Variants in RBFOX3 observed in about 807,000 individuals in gnomAD.
The protein encoded by RBFOX3 is RNA binding fox-1 homolog 3, also known as RNA binding protein fox-1 homolog 3.
In RBFOX3, 17 loss-of-function variants were observed where a neutral mutation model predicts 48.7. The ratio of observed to expected loss-of-function variants is 0.35; its 90% confidence interval spans 0.24 to 0.52. RBFOX3 has a LOEUF of 0.52. RBFOX3 is among the 20% of genes least tolerant of loss of function. The pLI is 0.94. For missense variants in RBFOX3, 382 were observed against 497.5 expected, an observed-to-expected ratio of 0.77 and a Z score of 2.21; for synonymous variants, 212 against 209.5, an observed-to-expected ratio of 1.01 and a Z score of -0.10.
chr17:79,439,592 G>T (rs1170682494), intron 2 of RBFOX3, among the ~76,000 whole-genome samples: 1 of 152,198 alleles, frequency 6.6e-6, no homozygotes, highest in African/African-American at 2.4e-5. Flanking sequence ...GTGCATACAG[G>T]CTCACAAGAT....
At chr17:79,571,707 G>A (rs944109284) in intron 1 of RBFOX3, among the ~76,000 whole-genome samples, 4 of 152,094 alleles carry the variant, frequency 2.6e-5, no homozygotes, top group Non-Finnish European at 4.4e-5. Context: ...CAAGGGTGGT[G>A]GGTCAGGACG....
At chr17:79,623,325 C>A in the RBFOX3 span, among the ~76,000 whole-genome samples, 4 of 152,216 alleles carry the variant, frequency 2.6e-5, no homozygotes, top group Non-Finnish European at 4.4e-5. Flanking sequence ...GTTTGAGATA[C>A]CCCACAGGAG....
At chr17:79,288,483 C>A (rs1228379640) in intron 3 of RBFOX3, among the ~76,000 whole-genome samples, 3 of 152,210 alleles carry the variant, frequency 2.0e-5, no homozygotes, top group Non-Finnish European at 2.9e-5. Flanking sequence ...TGCAGCCCCC[C>A]CCAGCCCGGC....
chr17:79,092,704 AAAAG>A lies in RBFOX3; in HGVS notation c.1077+1743_1077+1746del, dbSNP rs941490830. The A allele has an allele frequency of 3.6e-6, 3 of 836,620 alleles. No homozygotes were observed. In the Admixed American group the frequency reaches 2.2e-4, roughly 60 times the overall value. The allele number at this position is 836,620 out of a possible 1,614,324, so 51.8% of individuals were successfully genotyped here. ...GTCTTTTGGAAGAGGGGAAAAAGCA[AAAAG>A]AAAAAAAAAAAGGAAAAACAAAAAG... is the stretch of plus-strand genomic sequence containing the variant. On this transcript the variant is annotated intron_variant, in intron 14 of 14. Coordinates refer to ENST00000693108, the MANE Select transcript of RBFOX3 (RefSeq NM_001350451.2).
intron 1 of RBFOX3, among the ~76,000 whole-genome samples, chr17:79,532,199 A>AGGGG (rs1281588730): frequency 1.4e-5 from 2 of 141,682 alleles, no homozygotes; most frequent in Non-Finnish European, 3.0e-5. Flanking sequence ...ACTGCACTGG[A>AGGGG]GGGGGGAGGG....
intron 2 of RBFOX3, among the ~76,000 whole-genome samples, chr17:79,371,711 T>A (rs1568128970): frequency 6.6e-6 from 1 of 152,024 alleles, no homozygotes; most frequent in East Asian, 1.9e-4. Context: ...TTCTCGAAAA[T>A]GTGGAAACCA....
intron 1 of RBFOX3, among the ~76,000 whole-genome samples, chr17:79,486,193 G>C (rs1404091823): frequency 2.0e-5 from 3 of 152,188 alleles, no homozygotes; most frequent in Admixed American, 1.3e-4. Flanking sequence ...GCGTAGTTGG[G>C]GGCTGGGCTG....
the RBFOX3 span, among the ~76,000 whole-genome samples, chr17:79,659,306 T>C: frequency 2.6e-5 from 4 of 151,978 alleles, no homozygotes; most frequent in African/African-American, 9.7e-5. Context: ...GAATAATAAA[T>C]GAAATAAACA....
At chr17:79,413,418 G>A (rs1032579224) in intron 2 of RBFOX3, among the ~76,000 whole-genome samples, 2 of 152,230 alleles carry the variant, frequency 1.3e-5, no homozygotes, top group African/African-American at 4.8e-5. Flanking sequence ...CCATGGATGT[G>A]GGGAGGAGCC....
intron 4 of RBFOX3, among the ~76,000 whole-genome samples, chr17:79,139,010 A>C (rs1402779883): frequency 7.6e-6 from 1 of 132,140 alleles, no homozygotes; most frequent in Admixed American, 7.6e-5. Flanking sequence ...CACACAGCAC[A>C]TGCGTTCATG....
In RBFOX3 at chr17:79,191,391, A is replaced by G. The variant is rs1461773374; in HGVS notation, c.-34+44375T>C. Among the ~76,000 whole-genome samples the G allele has an allele frequency of 2.6e-5, 4 of 152,214 alleles. No individual in the cohort carries two copies. In the East Asian group the frequency reaches 7.7e-4, roughly 29 times the overall value. ...CCAGCCCCAGCACTCAGTGAGTTAA[A>G]AAGCAACCGCAAGGCCTCGGGAAAC... On this transcript the variant is annotated intron_variant, in intron 4 of 14. Coordinates refer to ENST00000693108, the MANE Select transcript of RBFOX3 (RefSeq NM_001350451.2).
chr17:79,162,815 C>T (rs924387114), intron 4 of RBFOX3, among the ~76,000 whole-genome samples: 8 of 151,922 alleles, frequency 5.3e-5, no homozygotes, highest in Admixed American at 1.3e-4. Flanking sequence ...CTGGGAGAGC[C>T]GGGAGGGGTA....
Position 79,443,973 on chromosome 17 carries a change from C to T in RBFOX3, c.-175+38481G>A, listed in dbSNP as rs970306205. On this transcript the variant is annotated intron_variant, in intron 2 of 14. Transcript: ENST00000693108. This position sits in a 1 kb window ranked among gnomAD's most constrained non-coding sequence, Gnocchi z 4.4. Reference sequence around the variant, plus strand: ...TCATGGTGCCTGAGACAGGCACTGCCATCCCTCTTCCCATCTCCCAAAGGA... The same window carrying T: ...TCATGGTGCCTGAGACAGGCACTGCTATCCCTCTTCCCATCTCCCAAAGGA... Among the ~76,000 whole-genome samples, 11 of 152,150 alleles carry T rather than the reference C, an allele frequency of 7.2e-5. No homozygotes were observed. Among genetic ancestry groups the T allele is most frequent in the African/African-American group, 2.7e-4 (11 of 41,436 alleles).
chr17:79,442,362 GGA>G (rs1188141711), intron 2 of RBFOX3, among the ~76,000 whole-genome samples: 180 of 7,420 alleles, frequency 0.024, 8 homozygotes, highest in African/African-American at 0.079. Flanking sequence ...GAAGAGGGGG[GGA>G]GAGAGAGAGA....
At chr17:79,328,478 G>A (rs1598278669) in intron 2 of RBFOX3, among the ~76,000 whole-genome samples, 1 of 152,312 alleles carries the variant, frequency 6.6e-6, no homozygotes, top group East Asian at 1.9e-4. Context: ...CAGCATGCCT[G>A]AGGAACAGAA....
intron 4 of RBFOX3, among the ~76,000 whole-genome samples, chr17:79,176,951 C>T (rs1004346680): frequency 4.6e-5 from 7 of 152,224 alleles, no homozygotes; most frequent in East Asian, 1.9e-4. Context: ...AAGAGACAGA[C>T]GGTGACCTGT....
intron 4 of RBFOX3, among the ~76,000 whole-genome samples, chr17:79,190,378 T>G (rs1599885495): frequency 1.6e-5 from 2 of 128,960 alleles, no homozygotes; most frequent in African/African-American, 6.0e-5. Flanking sequence ...GCCATTGCAC[T>G]CCAGCCTGGG....
chr17:79,595,681 C>G (rs1425024139), intron 1 of RBFOX3, among the ~76,000 whole-genome samples: 1 of 152,210 alleles, frequency 6.6e-6, no homozygotes, highest in Non-Finnish European at 1.5e-5. Flanking sequence ...GCATCTCCCT[C>G]TAAGCCAGCC....
intron 2 of RBFOX3, among the ~76,000 whole-genome samples, chr17:79,420,128 T>TACACACACACACACACACACAC (rs58282867): frequency 3.8e-4 from 43 of 114,362 alleles, no homozygotes; most frequent in African/African-American, 1.3e-3. Flanking sequence ...CTCCGTCTCA[T>TACACACACACACACACACACAC]ACACACACAC....
Sources: gnomAD v4.1 joint callset for allele counts (sites outside exome capture counted in the v4.1 genomes callset) on GRCh38, gnomAD v4.1.1 for gene constraint, Gnocchi (gnomAD v3.1) non-coding constraint, MANE v1.5 for transcripts, NCBI Gene and HGNC (gene_info 2026-07-23, HGNC 2026-07-21) for gene names.